The following AIDA variants were observed in gnomAD, a reference collection of about 807,000 sequenced individuals.
The protein encoded by AIDA is axin interactor, dorsalization-associated protein.
A neutral mutation model predicts 42.7 loss-of-function variants in AIDA; 18 were observed. The ratio of observed to expected loss-of-function variants is 0.42; its 90% CI spans 0.29 to 0.63. AIDA has a LOEUF of 0.63. AIDA is among the 20% of genes least tolerant of loss of function. The pLI, the probability that AIDA is intolerant of heterozygous loss-of-function variation, is 0.19. For missense variants in AIDA, 250 were observed against 354.1 expected (o/e 0.71, Z 2.36); for synonymous variants, 104 against 122.9 (o/e 0.85, Z 1.02).
At chr1:222,680,106 G>C (rs571448587) in intron 6 of AIDA, among the ~76,000 whole-genome samples, 8 of 152,314 alleles carry the variant, frequency 5.3e-5, no homozygotes, top group African/African-American at 1.9e-4. Flanking sequence ...TGCAGCCCCT[G>C]CAATGGGCTT....
intron 2 of AIDA, among the ~76,000 whole-genome samples, chr1:222,698,692 C>A (rs750814537): frequency 6.6e-6 from 1 of 151,992 alleles, no homozygotes; most frequent in African/African-American, 2.4e-5. Flanking sequence ...CTCAGGTGAT[C>A]CGCCCGCCTC....
At chr1:222,701,959 A>G (rs981991946) in intron 2 of AIDA, among the ~76,000 whole-genome samples, 2 of 152,128 alleles carry the variant, frequency 1.3e-5, no homozygotes, top group African/African-American at 4.8e-5. Flanking sequence ...CCTGACCTCA[A>G]GTGATCTGCC....
chr1:222,709,291 C>T (rs1249242202), intron 1 of AIDA, among the ~76,000 whole-genome samples: 2 of 151,838 alleles, frequency 1.3e-5, no homozygotes, highest in South Asian at 2.1e-4. Context: ...ATTAGTTGGA[C>T]GTGGTAGTGC....
chr1:222,668,743 A>G lies in AIDA; in HGVS notation c.*1150T>C, dbSNP rs1286359390. The G allele has an allele frequency of 7.4e-6, 1 of 135,784 alleles. No homozygotes were observed. Among genetic ancestry groups the G allele is most frequent in the African/African-American group, 2.8e-5 (1 of 35,516 alleles). 8.4% of individuals were successfully genotyped at this position (135,784 alleles called of 1,614,324 possible). On this transcript the variant is annotated 3_prime_UTR_variant, in exon 10 of 10. Coordinates refer to ENST00000340020, the MANE Select transcript of AIDA (RefSeq NM_022831.4). ...GAATATTAAAATATGTGGGCTTTAC[A>G]TCTAACCCACAGAAAGCCCACCGCA...
intron 3 of AIDA, 41 bp from the exon 4 acceptor site, chr1:222,693,884 G>A: frequency 6.9e-7 from 1 of 1,451,808 alleles, no homozygotes; most frequent in Non-Finnish European, 9.6e-7. Context: ...TCACTACAAG[G>A]ATTTCACTGC....
At chr1:222,700,893 T>C (rs1170852280) in intron 2 of AIDA, among the ~76,000 whole-genome samples, 1 of 150,368 alleles carries the variant, frequency 6.7e-6, no homozygotes, top group Non-Finnish European at 1.5e-5. Flanking sequence ...CCTTAGAAAG[T>C]TGAAGAAAAT....
chr1:222,669,748 C>G lies in AIDA; in HGVS notation c.*145G>C, dbSNP rs1432985255. ...GTGCTGGACTCTGAATTCTGTGGTA[C>G]AGCTTTGCATTGGACTCCGTCCGGC... is the stretch of plus-strand genomic sequence containing the variant. On this transcript the variant is annotated 3_prime_UTR_variant, in exon 10 of 10. Coordinates refer to ENST00000340020, the MANE Select transcript of AIDA (RefSeq NM_022831.4). 1.2e-6 allele frequency: 1 copy of G among 837,166 alleles called. No homozygotes were observed. Among genetic ancestry groups the G allele is most frequent in the Non-Finnish European group, 1.8e-6 (1 of 541,588 alleles). The allele number at this position is 837,166 out of a possible 1,614,324, so 51.9% of individuals were successfully genotyped here.
chr1:222,678,820 C>G (rs1664602074), intron 6 of AIDA, among the ~76,000 whole-genome samples: 1 of 152,144 alleles, frequency 6.6e-6, no homozygotes, highest in South Asian at 2.1e-4. Flanking sequence ...CCTACACTCC[C>G]TTTGAGTCTC....
intron 6 of AIDA, among the ~76,000 whole-genome samples, chr1:222,678,415 G>T (rs1664592852): frequency 6.6e-6 from 1 of 152,050 alleles, no homozygotes; most frequent in African/African-American, 2.4e-5. Context: ...TTTCTCCCAA[G>T]TAAACATTAA....
At chr1:222,670,092 C>T (rs1664418251) in intron 9 of AIDA, 41 bp downstream of exon 9, 1 of 1,606,494 alleles carries the variant, frequency 6.2e-7, no homozygotes, top group African/African-American at 1.3e-5. Flanking sequence ...ATATACTAGT[C>T]ACCATCAAAT....
intron 4 of AIDA, among the ~76,000 whole-genome samples, chr1:222,688,991 T>C (rs1655273708): frequency 6.6e-6 from 1 of 151,998 alleles, no homozygotes; most frequent in South Asian, 2.1e-4. Context: ...GGACAAGATG[T>C]GGAGGTGGAA....
intron 4 of AIDA, among the ~76,000 whole-genome samples, chr1:222,689,045 ATG>A (rs537611818): frequency 3.2e-4 from 49 of 151,164 alleles, no homozygotes; most frequent in Non-Finnish European, 5.2e-4. Context: ...GCCTAAGCTA[ATG>A]TGTGTGTGTG....
chr1:222,703,725 G>C (rs1335051335), intron 1 of AIDA, among the ~76,000 whole-genome samples: 1 of 152,094 alleles, frequency 6.6e-6, no homozygotes, highest in Non-Finnish European at 1.5e-5. Flanking sequence ...TGTTTTCATG[G>C]AAAATAAAGC....
intron 5 of AIDA, 129 bp from the exon 6 acceptor site, chr1:222,687,165 C>G: frequency 2.8e-6 from 4 of 1,441,146 alleles, no homozygotes; most frequent in Non-Finnish European, 3.7e-6. Context: ...TGTGGTGGCT[C>G]ATGCTTGTAA....
intron 1 of AIDA, among the ~76,000 whole-genome samples, chr1:222,703,543 T>C (rs746515548): frequency 7.9e-5 from 12 of 152,242 alleles, no homozygotes; most frequent in Non-Finnish European, 1.8e-4. Context: ...AGCCAATAAG[T>C]AGTTGTCCAG....
intron 4 of AIDA, among the ~76,000 whole-genome samples, chr1:222,689,491 A>G (rs867437473): frequency 0.074 from 3,249 of 43,942 alleles, 211 homozygotes; most frequent in African/African-American, 0.21. Context: ...GTATATATAT[A>G]TATATATATA....
At chr1:222,689,520 T>TATATATATACACATAC (rs765351898) in intron 4 of AIDA, among the ~76,000 whole-genome samples, 1 of 58,102 alleles carries the variant, frequency 1.7e-5, no homozygotes, top group Non-Finnish European at 3.8e-5. Context: ...TATATATATA[T>TATATATATACACATAC]ACACACATAC....
chr1:222,671,563 T>A lies in AIDA; in HGVS notation c.707-1313A>T, dbSNP rs139444580. Among the ~76,000 whole-genome samples, 622 of 152,246 alleles carry A rather than the reference T, an allele frequency of 4.1e-3. 6 individuals are homozygous for A. Among genetic ancestry groups the A allele is most frequent in the African/African-American group, 0.013 (554 of 41,536 alleles). On this transcript the variant is annotated intron_variant, in intron 8 of 9. Coordinates refer to ENST00000340020, the MANE Select transcript of AIDA (RefSeq NM_022831.4). ...GAAATGTGTGTACAGCATTGGCACT[T>A]GGGTCCAAATGGACCACATCACATG... is the stretch of plus-strand genomic sequence containing the variant.
chr1:222,689,559 G>GTATA (rs1491531897), intron 4 of AIDA, among the ~76,000 whole-genome samples: 1 of 30,594 alleles, frequency 3.3e-5, no homozygotes, highest in South Asian at 9.3e-4. Context: ...ACATATATAT[G>GTATA]TATATATATG....
Sources: gnomAD v4.1 joint callset for allele counts (sites outside exome capture counted in the v4.1 genomes callset) on GRCh38, gnomAD v4.1.1 for gene constraint, MANE v1.5 for transcripts, NCBI Gene and HGNC (gene_info 2026-07-23, HGNC 2026-07-21) for gene names.